Variants in SHROOM3 observed in about 807,000 individuals in gnomAD.
SHROOM3 encodes the protein protein Shroom3.
SHROOM3 carries 47 observed loss-of-function variants against 138.6 expected under a neutral mutation model. The ratio of observed to expected loss-of-function variants is 0.34; its 90% CI spans 0.27 to 0.43. SHROOM3 has a LOEUF of 0.43. Among genes scored for constraint, SHROOM3 ranks in the 20% least tolerant of loss-of-function variants. SHROOM3 has a pLI of 1.00. For missense variants in SHROOM3, 2,491 were observed against 2,596.5 expected (o/e 0.96, Z 0.88); for synonymous variants, 1,062 against 1,063.3 (o/e 1.00, Z 0.02).
intron 1 of SHROOM3, among the ~76,000 whole-genome samples, chr4:76,464,924 C>T (rs900025412): frequency 3.3e-5 from 5 of 152,164 alleles, no homozygotes; most frequent in African/African-American, 7.2e-5. Flanking sequence ...ATAAATTACC[C>T]AATCTCAGGT....
intron 4 of SHROOM3, among the ~76,000 whole-genome samples, chr4:76,733,540 C>T (rs573447363): frequency 6.6e-6 from 1 of 152,330 alleles, no homozygotes; most frequent in East Asian, 1.9e-4. Flanking sequence ...ACAAACAAAC[C>T]ATGCCTGAGG....
At chr4:76,586,101 A>C in intron 2 of SHROOM3, 4 of 290,636 alleles carry the variant, frequency 1.4e-5, no homozygotes, top group Non-Finnish European at 2.1e-5. Flanking sequence ...AGCGCGGTGG[A>C]AACCGGTTCT....
chr4:76,441,648 A>G (rs767223851), intron 1 of SHROOM3, among the ~76,000 whole-genome samples: 2 of 151,774 alleles, frequency 1.3e-5, no homozygotes, highest in South Asian at 2.1e-4. Flanking sequence ...TTATTGTTCA[A>G]TCTATCTTTG....
At chr4:76,521,001 A>G (rs1282244367) in intron 1 of SHROOM3, among the ~76,000 whole-genome samples, 2 of 152,162 alleles carry the variant, frequency 1.3e-5, no homozygotes, top group Non-Finnish European at 2.9e-5. Flanking sequence ...AGGGAATACT[A>G]TTTCCATCTT....
intron 2 of SHROOM3, among the ~76,000 whole-genome samples, chr4:76,662,345 C>T (rs1041598824): frequency 2.0e-5 from 3 of 152,166 alleles, no homozygotes; most frequent in African/African-American, 7.2e-5. Flanking sequence ...CAGAGGCAGC[C>T]TGCATTTCTT....
At chr4:76,499,657 G>A (rs1046957481) in intron 1 of SHROOM3, among the ~76,000 whole-genome samples, 1 of 152,184 alleles carries the variant, frequency 6.6e-6, no homozygotes, top group African/African-American at 2.4e-5. Flanking sequence ...AGTGAGGGCC[G>A]TGGGACGGGC....
At chr4:76,763,778 A>C (rs908130802) in intron 9 of SHROOM3, among the ~76,000 whole-genome samples, 3 of 152,236 alleles carry the variant, frequency 2.0e-5, no homozygotes, top group African/African-American at 7.2e-5. Flanking sequence ...TAAATGTGTA[A>C]TTGAATTTTC....
chr4:76,553,071 C>T (rs1190953845), intron 1 of SHROOM3, among the ~76,000 whole-genome samples: 3 of 152,182 alleles, frequency 2.0e-5, no homozygotes, highest in African/African-American at 4.8e-5. Flanking sequence ...ACTTTTATAG[C>T]CCAAGCACTT....
At chr4:76,708,667 T>A (rs979668234) in intron 2 of SHROOM3, among the ~76,000 whole-genome samples, 6 of 152,164 alleles carry the variant, frequency 3.9e-5, no homozygotes, top group Non-Finnish European at 8.8e-5. Flanking sequence ...ATTGTTCCTA[T>A]GCGTGCATTA....
At chr4:76,605,852 C>A (rs1734601142) in intron 2 of SHROOM3, among the ~76,000 whole-genome samples, 1 of 150,334 alleles carries the variant, frequency 6.7e-6, no homozygotes, top group African/African-American at 2.4e-5. Flanking sequence ...TCTATAACAC[C>A]TTTGATACAG....
intron 2 of SHROOM3, among the ~76,000 whole-genome samples, chr4:76,589,382 G>T (rs184101956): frequency 6.6e-6 from 1 of 151,658 alleles, no homozygotes; most frequent in Admixed American, 6.6e-5. Flanking sequence ...CAGGAGAATC[G>T]CTTGAACCCA....
chr4:76,517,691 C>G (rs1732471766), intron 1 of SHROOM3, among the ~76,000 whole-genome samples: 1 of 151,442 alleles, frequency 6.6e-6, no homozygotes, highest in Non-Finnish European at 1.5e-5. Context: ...AAAATTTCTT[C>G]AACAATATGG....
chr4:76,606,853 C>CA (rs1215396364), intron 2 of SHROOM3, among the ~76,000 whole-genome samples: 1 of 151,976 alleles, frequency 6.6e-6, no homozygotes, highest in Non-Finnish European at 1.5e-5. Context: ...GGCAGGAGTC[C>CA]AAAAAATGCT....
intron 2 of SHROOM3, among the ~76,000 whole-genome samples, chr4:76,568,209 C>T (rs760695966): frequency 2.6e-5 from 4 of 152,194 alleles, no homozygotes; most frequent in Non-Finnish European, 2.9e-5. Context: ...GGCTGCCTGA[C>T]ATTGCCTCTC....
intron 1 of SHROOM3, among the ~76,000 whole-genome samples, chr4:76,492,369 T>C (rs1731871802): frequency 6.6e-6 from 1 of 152,206 alleles, no homozygotes; most frequent in South Asian, 2.1e-4. Context: ...GACTGGTTGA[T>C]TGAAAAGTAA....
intron 1 of SHROOM3, among the ~76,000 whole-genome samples, chr4:76,495,155 G>T (rs528445336): frequency 2.6e-5 from 4 of 152,180 alleles, no homozygotes; most frequent in Non-Finnish European, 5.9e-5. Context: ...GAGGACTTCC[G>T]CAAAGAGAGA....
chr4:76,545,284 G>C (rs1429144307), intron 1 of SHROOM3, among the ~76,000 whole-genome samples: 2 of 152,164 alleles, frequency 1.3e-5, no homozygotes, highest in Non-Finnish European at 2.9e-5. Flanking sequence ...ACTGAGCGGA[G>C]TTGAGTGGCT....
chr4:76,744,494 C>T (rs1043533482), intron 5 of SHROOM3, among the ~76,000 whole-genome samples: 3 of 152,202 alleles, frequency 2.0e-5, no homozygotes, highest in African/African-American at 4.8e-5. Context: ...CTGCTCCTTG[C>T]ATCCTCTTCA....
At chr4:76,771,364 T>C (rs1049286146) in intron 10 of SHROOM3, among the ~76,000 whole-genome samples, 2 of 142,786 alleles carry the variant, frequency 1.4e-5, no homozygotes, top group Admixed American at 1.4e-4. Flanking sequence ...GGCGACCACA[T>C]CAAAAAAAAA....
Sources: allele counts gnomAD v4.1 joint callset (sites outside exome capture counted in the v4.1 genomes callset), GRCh38; gene constraint gnomAD v4.1.1; transcripts MANE v1.5; gene names NCBI Gene and HGNC (gene_info 2026-07-23, HGNC 2026-07-21).